NLGN4X: variants seen among roughly 807,000 people sequenced by gnomAD.
NLGN4X encodes neuroligin-4, X-linked.
In NLGN4X, 3 loss-of-function variants were observed where a neutral mutation model predicts 40.3. The ratio of observed to expected loss-of-function variants is 0.07; its 90% CI spans 0.03 to 0.19. The LOEUF (loss-of-function observed/expected upper bound fraction) is 0.19. Ranked by LOEUF, NLGN4X falls within the 10% of genes least tolerant of loss-of-function variation. NLGN4X has a pLI of 1.00. For missense variants in NLGN4X, 382 were observed against 708.3 expected (o/e 0.54, Z 5.23); for synonymous variants, 270 against 306.8 (o/e 0.88, Z 1.25).
At chrX:6,091,788 G>A (rs1253186353) in intron 2 of NLGN4X, among the ~76,000 whole-genome samples, 3 of 111,516 alleles carry the variant, frequency 2.7e-5, no homozygotes, top group Non-Finnish European at 5.7e-5. Context: ...AAAAACAAAA[G>A]AGAAAAAATT....
chrX:5,975,661 A>G (rs2035157328), intron 3 of NLGN4X, among the ~76,000 whole-genome samples: 1 of 109,400 alleles, frequency 9.1e-6, no homozygotes, highest in Non-Finnish European at 1.9e-5. Flanking sequence ...TTGTATTAAT[A>G]TATTAGAAAT....
At chrX:5,988,998 G>T (rs149469571) in intron 3 of NLGN4X, among the ~76,000 whole-genome samples, 1 of 109,974 alleles carries the variant, frequency 9.1e-6, no homozygotes, top group Non-Finnish European at 1.9e-5. Flanking sequence ...AACCTGTGAG[G>T]TGGAGGTTAT....
At chrX:5,975,171 C>A (rs188259622) in intron 3 of NLGN4X, among the ~76,000 whole-genome samples, 1 of 112,170 alleles carries the variant, frequency 8.9e-6, no homozygotes, top group African/African-American at 3.2e-5. Context: ...CCGTAGATAA[C>A]TGAAACTGCA....
intron 3 of NLGN4X, among the ~76,000 whole-genome samples, chrX:5,934,750 T>C (rs2033676906): frequency 8.9e-6 from 1 of 112,278 alleles, no homozygotes; most frequent in African/African-American, 3.2e-5. Context: ...GCAAAATGTA[T>C]ATAGCAGACA....
chrX:6,002,245 A>G (rs895306826), intron 3 of NLGN4X, among the ~76,000 whole-genome samples: 14 of 111,990 alleles, frequency 1.3e-4, no homozygotes, highest in African/African-American at 3.9e-4. Flanking sequence ...CCTCCTAAGA[A>G]TGTGGTTTGA....
intron 3 of NLGN4X, among the ~76,000 whole-genome samples, chrX:5,942,235 G>A (rs1003951236): frequency 9.1e-6 from 1 of 110,244 alleles, no homozygotes; most frequent in African/African-American, 3.3e-5. Flanking sequence ...AAGACTGGGC[G>A]ACAGAGTAAG....
At chrX:6,180,078 C>A (rs1333479351) in intron 1 of NLGN4X, among the ~76,000 whole-genome samples, 2 of 111,279 alleles carry the variant, frequency 1.8e-5, no homozygotes, top group Non-Finnish European at 3.8e-5. Flanking sequence ...AAATAGATGC[C>A]CTTAATAAAT....
intron 2 of NLGN4X, among the ~76,000 whole-genome samples, chrX:6,071,329 T>A (rs1316335312): frequency 4.5e-5 from 5 of 111,567 alleles, no homozygotes; most frequent in Non-Finnish European, 1.9e-5. Flanking sequence ...GTCTTGTGGA[T>A]TATTTTCATG....
At chrX:6,139,716 G>A (rs1020601004) in intron 2 of NLGN4X, among the ~76,000 whole-genome samples, 1 of 111,641 alleles carries the variant, frequency 9.0e-6, no homozygotes, top group African/African-American at 3.3e-5. Context: ...TTGATGAAAC[G>A]TTGGTTTAGT....
At chrX:5,895,130 G>C (rs2031417024) in intron 5 of NLGN4X, among the ~76,000 whole-genome samples, 3 of 112,462 alleles carry the variant, frequency 2.7e-5, no homozygotes, top group African/African-American at 6.5e-5. Flanking sequence ...GCTGAAGGAA[G>C]ATTTTATCCC....
chrX:5,946,269 C>G (rs2034117816), intron 3 of NLGN4X, among the ~76,000 whole-genome samples: 1 of 111,677 alleles, frequency 9.0e-6, no homozygotes, highest in South Asian at 3.8e-4. Context: ...AAGTAAAAAG[C>G]TCGTGTCTTT....
intron 1 of NLGN4X, among the ~76,000 whole-genome samples, chrX:6,160,812 C>T (rs773629538): frequency 4.6e-5 from 5 of 107,919 alleles, no homozygotes; most frequent in Non-Finnish European, 7.6e-5. Flanking sequence ...TGAGCCAACG[C>T]GCCTGGCCAA....
chrX:5,923,510 T>C (rs919493445), intron 3 of NLGN4X, among the ~76,000 whole-genome samples: 6 of 112,362 alleles, frequency 5.3e-5, no homozygotes, highest in Non-Finnish European at 1.1e-4. Context: ...TTAATGGACT[T>C]AACAGTTCCA....
intron 3 of NLGN4X, among the ~76,000 whole-genome samples, chrX:6,022,911 G>A (rs987845125): frequency 9.0e-6 from 1 of 111,567 alleles, no homozygotes; most frequent in African/African-American, 3.3e-5. Context: ...TTTCTGCTAT[G>A]CATGTTGGTT....
At chrX:6,130,914 C>T (rs1190131960) in intron 2 of NLGN4X, among the ~76,000 whole-genome samples, 1 of 111,847 alleles carries the variant, frequency 8.9e-6, no homozygotes, top group African/African-American at 3.2e-5. Context: ...ATAAAAAAAA[C>T]CAAAACATTT....
At chrX:6,026,949 T>C (rs1262119017) in intron 3 of NLGN4X, among the ~76,000 whole-genome samples, 1 of 111,659 alleles carries the variant, frequency 9.0e-6, no homozygotes, top group African/African-American at 3.3e-5. Flanking sequence ...AGTTGCTTGA[T>C]ACAACTGAGC....
At chrX:6,031,496 T>C (rs5961925) in intron 2 of NLGN4X, among the ~76,000 whole-genome samples, 23,532 of 110,386 alleles carry the variant, frequency 0.21, 1,950 homozygotes, top group African/African-American at 0.27. Flanking sequence ...CAAGATTTCT[T>C]TTCTTGGAGA....
intron 2 of NLGN4X, among the ~76,000 whole-genome samples, chrX:6,076,719 AGATGAATACATCTGGC>A (rs2038206561): frequency 8.9e-6 from 1 of 112,428 alleles, no homozygotes; most frequent in Non-Finnish European, 1.9e-5. Flanking sequence ...AGAATGTATC[AGATGAATACATCTGGC>A]ATGCTCAACC....
chrX:6,112,200 T>G (rs757528482), intron 2 of NLGN4X, among the ~76,000 whole-genome samples: 1 of 111,674 alleles, frequency 9.0e-6, no homozygotes, highest in Non-Finnish European at 1.9e-5. Flanking sequence ...GCTCATTATC[T>G]GGGCACAGAA....
Sources: allele counts gnomAD v4.1 joint callset (sites outside exome capture counted in the v4.1 genomes callset), GRCh38; gene constraint gnomAD v4.1.1; transcripts MANE v1.5; gene names NCBI Gene and HGNC (gene_info 2026-07-23, HGNC 2026-07-21).